The following WDR90 variants were observed in gnomAD, a reference collection of about 807,000 sequenced individuals.
The protein encoded by WDR90 is WD repeat domain 90, also known as WD repeat-containing protein 90.
A neutral mutation model predicts 195.2 loss-of-function variants in WDR90; 238 were observed. That is an observed-to-expected ratio of 1.22 (90% confidence interval 1.10 to 1.36). The LOEUF is 1.36. WDR90 is among the 40% of genes most tolerant of loss of function. WDR90 has a pLI of 0.00. For missense variants in WDR90, 2,734 were observed against 2,439.5 expected (o/e 1.12, Z -2.54); for synonymous variants, 1,265 against 1,052.4 (o/e 1.20, Z -3.91).
At chr16:649,645 G>A (rs1004167265) in intron 1 of WDR90, 118 bp from the exon 2 acceptor site, 2 of 1,188,176 alleles carry the variant, frequency 1.7e-6, no homozygotes, top group Non-Finnish European at 2.2e-6. Context: ...CGTTGGCGTC[G>A]CCGGGGAAGG....
rs1258302697 is a variant in WDR90 at position 657,131 on chromosome 16, G to T, written c.2383G>T (p.Asp795Tyr). 1.3e-6 allele frequency: 2 copies of T among 1,582,376 alleles called. No homozygotes were observed. The highest frequency in any genetic ancestry group is 1.7e-6 in the Non-Finnish European group (2 of 1,166,312). The change falls in exon 20 of 41, where the codon GAC becomes TAC. Residue 795 changes from aspartate to tyrosine, a missense_variant. Physicochemically the swap from Asp to Tyr is radical, Grantham distance 160 (BLOSUM62 -3). Transcript: ENST00000293879. Reference protein sequence around the residue: ...GAVTGLTATPDGRLLFSSCSQ... With the variant: ...GAVTGLTATPYGRLLFSSCSQ... ...TGTCACCGGCCTGACCGCCACCCCTGACGGCCGCCTGCTCTTCAGCTCCTG... is the reference window on the plus strand; with the variant it reads ...TGTCACCGGCCTGACCGCCACCCCTTACGGCCGCCTGCTCTTCAGCTCCTG...
At chr16:665,492 C>A in intron 34 of WDR90, 187 bp from the exon 35 acceptor site, 1 of 892,024 alleles carries the variant, frequency 1.1e-6, no homozygotes, top group Non-Finnish European at 1.7e-6. Flanking sequence ...TTGGACTCAC[C>A]CAGATCTAGT....
rs563883890 is a variant in WDR90, at chr16:650,850, C to G, written c.559+141C>G. On this transcript the variant is annotated intron_variant, in intron 5 of 40. Coordinates refer to ENST00000293879, the MANE Select transcript of WDR90 (RefSeq NM_145294.5). Reference sequence around the variant, plus strand: ...CTCTGGCCAGAACCCATCCCAGAGGCAGCCCTGGGGTCAGAACCCATCCCA... The same window carrying G: ...CTCTGGCCAGAACCCATCCCAGAGGGAGCCCTGGGGTCAGAACCCATCCCA... 87 of 1,463,136 alleles carry G rather than the reference C, an allele frequency of 5.9e-5. No individual in the cohort carries two copies. The South Asian group carries it at 1.0e-3, about 17-fold the overall frequency. 90.6% of individuals were successfully genotyped at this position (1,463,136 alleles called of 1,614,324 possible).
At chr16:657,929 G>T in intron 21 of WDR90, 37 bp downstream of exon 21, 1 of 1,510,530 alleles carries the variant, frequency 6.6e-7, no homozygotes. Flanking sequence ...GGGAGACTGG[G>T]CCATGAGAGG....
chr16:651,038 G>A lies in WDR90; in HGVS notation c.603G>A (p.Met201Ile), dbSNP rs752756407. ...AQWAKLPVTPMPREMAFPVPK... is the reference protein window; with the variant it reads ...AQWAKLPVTPIPREMAFPVPK... Reference sequence around the variant, plus strand: ...GGGCAAAGCTGCCCGTGACTCCTATGCCTCGGGAAATGGCATTCCCTGTGC... The same window carrying A: ...GGGCAAAGCTGCCCGTGACTCCTATACCTCGGGAAATGGCATTCCCTGTGC... Residue 201 changes from methionine to isoleucine, a missense_variant, in exon 6 of 41, where the codon ATG becomes ATA. Transcript: ENST00000293879. 6.2e-7 allele frequency: 1 copy of A among 1,613,490 alleles called. No homozygotes were observed. Among genetic ancestry groups the A allele is most frequent in the East Asian group, 2.2e-5 (1 of 44,880 alleles).
rs759343216 is a variant in WDR90 at position 659,331 on chromosome 16, C to T, written c.3139C>T (p.Pro1047Ser). The change falls in exon 26 of 41, where the codon CCA becomes TCA. Residue 1047 changes from proline to serine, a missense_variant. Pro to Ser is a moderately conservative substitution (Grantham distance 74). Coordinates refer to ENST00000293879, the MANE Select transcript of WDR90 (RefSeq NM_145294.5). ...GGTCCCCAAGCCATGTCAGGCATCT[C>T]CACCACGGCTGGGCGTCTGTGCCAG... is the stretch of plus-strand genomic sequence containing the variant. ...QQVPKPCQAS[P>S]PRLGVCARPP... 1 of 1,597,088 alleles carries T rather than the reference C, an allele frequency of 6.3e-7. No individual in the cohort carries two copies. Among genetic ancestry groups the T allele is most frequent in the South Asian group, 1.1e-5 (1 of 88,900 alleles).
intron 31 of WDR90, 31 bp downstream of exon 31, chr16:661,818 G>C (rs374002377): frequency 1.3e-6 from 2 of 1,587,584 alleles, no homozygotes; most frequent in Non-Finnish European, 1.7e-6. Flanking sequence ...GGGCCCAGGG[G>C]TTGTTTTGTG....
At position 657,178 on chromosome 16, in the gene WDR90, G is replaced by A; in HGVS notation, c.2430G>A (p.Gln810=). The part of the protein sequence containing the change: ...FSSCSQGSLA[Q]YSCADPQWHV... ...CCTGCTCCCAGGGCTCCCTGGCCCA[G>A]TACAGCTGTGCGGACCCCCAGTGGC... The change falls in exon 20 of 41, where the codon CAG becomes CAA. Residue 810 remains glutamine, a synonymous_variant. Transcript: ENST00000293879. 6.4e-7 allele frequency: 1 copy of A among 1,557,544 alleles called. No homozygotes were observed.
chr16:650,718 C>CGCACCT lies in WDR90; in HGVS notation c.559+14_559+19dup. The CGCACCT allele has an allele frequency of 6.2e-7, 1 of 1,601,338 alleles. No individual in the cohort carries two copies. The highest frequency in any genetic ancestry group is 8.5e-7 in the Non-Finnish European group (1 of 1,170,612). On this transcript the variant is annotated intron_variant, in intron 5 of 40. Transcript: ENST00000293879. The stretch of plus-strand genomic sequence containing the variant: ...CCTGTGCTTTGAGCCTGGTGAGGGC[C>CGCACCT]GCACCTGCACTCCCCACTCCATATC...
chr16:666,323 C>A lies in WDR90; in HGVS notation c.4713C>A (p.Ile1571=). Residue 1571 remains isoleucine, a synonymous_variant, in exon 37 of 41, where the codon ATC becomes ATA. Coordinates refer to ENST00000293879, the MANE Select transcript of WDR90 (RefSeq NM_145294.5). The part of the protein sequence containing the change: ...RVLSDHQGAP[I]STICVTCKEC... ...TGAGTGACCACCAGGGCGCCCCAATCTCTACCATCTGTGTCACGTGCAAAG... is the reference window on the plus strand; with the variant it reads ...TGAGTGACCACCAGGGCGCCCCAATATCTACCATCTGTGTCACGTGCAAAG... 2.5e-6 allele frequency: 4 copies of A among 1,612,774 alleles called. No homozygotes were observed. Among genetic ancestry groups the A allele is most frequent in the Non-Finnish European group, 3.4e-6 (4 of 1,179,996 alleles).
At chr16:651,395 G>T in intron 7 of WDR90, 129 bp downstream of exon 7, 1 of 1,208,230 alleles carries the variant, frequency 8.3e-7, no homozygotes, top group South Asian at 1.3e-5. Flanking sequence ...ACCCAGGGAA[G>T]CCCGTAGGTT....
At chr16:654,983 G>A (rs1596461281) in intron 13 of WDR90, 46 bp from the exon 14 acceptor site, 2 of 1,580,704 alleles carry the variant, frequency 1.3e-6, no homozygotes, top group Non-Finnish European at 8.7e-7. Flanking sequence ...AATCGAGGTG[G>A]CCCCGACTGG....
chr16:658,304 T>C lies in WDR90; in HGVS notation c.2726T>C (p.Val909Ala). ...CTGGTGTCCACCTCGTCCAACAGAG[T>C]CGTGGTGCTGGATGCTGTGTCGGGC... ...HLLVSTSSNR[V>A]VVLDAVSGRI... The change falls in exon 22 of 41, where the codon GTC becomes GCC. Residue 909 changes from valine (V) to alanine (A), a missense_variant. Coordinates refer to ENST00000293879, the MANE Select transcript of WDR90 (RefSeq NM_145294.5). 3.1e-6 allele frequency: 5 copies of C among 1,612,436 alleles called. No homozygotes were observed. The highest frequency in any genetic ancestry group is 4.2e-6 in the Non-Finnish European group (5 of 1,179,834).
In WDR90 at chr16:659,294, C is replaced by G; in HGVS notation, c.3102C>G (p.Leu1034=). The G allele has an allele frequency of 6.2e-7, 1 of 1,603,136 alleles. No homozygotes were observed. Residue 1034 remains leucine, a synonymous_variant, in exon 26 of 41, where the codon CTC becomes CTG. Coordinates refer to ENST00000293879, the MANE Select transcript of WDR90 (RefSeq NM_145294.5). Reference sequence around the variant, plus strand: ...ACGCAGCGTCCAGGGCCAGCGAGCTCCCCCGGCAGCAGGTCCCCAAGCCAT... The same window carrying G: ...ACGCAGCGTCCAGGGCCAGCGAGCTGCCCCGGCAGCAGGTCCCCAAGCCAT... ...LEDAASRASE[L]PRQQVPKPCQ...
In WDR90 at chr16:658,272, C is replaced by T; in HGVS notation, c.2694C>T (p.Gly898=). The T allele has an allele frequency of 6.2e-7, 1 of 1,612,636 alleles. No homozygotes were observed. The highest frequency in any genetic ancestry group is 8.5e-7 in the Non-Finnish European group (1 of 1,179,890). Residue 898 remains glycine, a synonymous_variant, in exon 22 of 41, where the codon GGC becomes GGT. Transcript: ENST00000293879. Reference sequence around the variant, plus strand: ...TGTGCTTTGGCCCTGCAGCTCTGGGCCACCTGCTGGTGTCCACCTCGTCCA... The same window carrying T: ...TGTGCTTTGGCCCTGCAGCTCTGGGTCACCTGCTGGTGTCCACCTCGTCCA... ...MAVCFGPAAL[G]HLLVSTSSNR... is the part of the protein sequence containing the mutation.
intron 40 of WDR90, 87 bp downstream of exon 40, chr16:667,076 C>T (rs1180033893): frequency 5.0e-6 from 7 of 1,386,676 alleles, no homozygotes; most frequent in East Asian, 5.0e-5. Flanking sequence ...AGGTGCCTCA[C>T]CTGTGCCCCG....
At chr16:653,498 A>G in intron 11 of WDR90, 27 bp from the exon 12 acceptor site, 1 of 1,611,708 alleles carries the variant, frequency 6.2e-7, no homozygotes, top group Non-Finnish European at 8.5e-7. Context: ...CAGCCCCTAC[A>G]CCCTCCCTCA....
chr16:660,667 G>C lies in WDR90; in HGVS notation c.3344G>C (p.Gly1115Ala). 1 of 1,582,186 alleles carries C rather than the reference G, an allele frequency of 6.3e-7. No individual in the cohort carries two copies. Among genetic ancestry groups the C allele is most frequent in the Non-Finnish European group, 8.6e-7 (1 of 1,165,066 alleles). ...GGWLRLKAVV[G>A]YSGNGRANMV... ...TGGCTGCGTCTGAAGGCTGTCGTCG[G>C]TTACAGCGGGAATGGGCGGGCCAAC... is the stretch of plus-strand genomic sequence containing the variant. The change falls in exon 28 of 41, where the codon GGT (glycine) becomes GCT (alanine). Residue 1115 changes from glycine (G) to alanine (A), a missense_variant. By Grantham distance (60) the Gly-to-Ala change is moderately conservative. Transcript: ENST00000293879.
At position 655,639 on chromosome 16, in the gene WDR90, C is replaced by G. The variant is rs758851918; in HGVS notation, c.1785C>G (p.Ala595=). 3 of 1,607,542 alleles carry G rather than the reference C, an allele frequency of 1.9e-6. No individual in the cohort carries two copies. Among genetic ancestry groups the G allele is most frequent in the South Asian group, 2.2e-5 (2 of 90,300 alleles). Residue 595 remains alanine, a synonymous_variant, in exon 16 of 41, where the codon GCC becomes GCG. Transcript: ENST00000293879. ...IDCQRMVVRH[A]RRLLPTRTPG... is the part of the protein sequence containing the mutation. ...GTCAGCGCATGGTCGTGCGGCATGCCCGCCGCCTGCTCCCCACACGGACTC... is the reference window on the plus strand; with the variant it reads ...GTCAGCGCATGGTCGTGCGGCATGCGCGCCGCCTGCTCCCCACACGGACTC...
Sources: gnomAD v4.1 joint callset for allele counts on GRCh38, gnomAD v4.1.1 for gene constraint, MANE v1.5 for transcripts, NCBI Gene and HGNC (gene_info 2026-07-23, HGNC 2026-07-21) for gene names.